The following TMED8 variants were observed in gnomAD, a reference collection of about 807,000 sequenced individuals.
The protein encoded by TMED8 is transmembrane p24 trafficking protein family member 8.
TMED8 carries 15 observed loss-of-function variants against 32.7 expected under a neutral mutation model. That is an observed-to-expected ratio of 0.46 (90% CI 0.31 to 0.71). The LOEUF is 0.71. TMED8 is among the 30% of genes least tolerant of loss of function. The pLI is 0.06. For missense variants in TMED8, 390 were observed against 423.9 expected, an observed-to-expected ratio of 0.92 and a Z score of 0.70; for synonymous variants, 147 against 161.4, an observed-to-expected ratio of 0.91 and a Z score of 0.68.
chr14:77,357,638 T>C (rs971832493), intron 1 of TMED8, among the ~76,000 whole-genome samples: 3 of 152,226 alleles, frequency 2.0e-5, no homozygotes, highest in Non-Finnish European at 4.4e-5. Flanking sequence ...AATTTTAGCA[T>C]ATTTTATGTG....
chr14:77,347,444 G>A (rs1344875607), intron 2 of TMED8, among the ~76,000 whole-genome samples: 1 of 152,186 alleles, frequency 6.6e-6, no homozygotes, highest in African/African-American at 2.4e-5. Context: ...ACACAGCTAT[G>A]TGAATAGTTG....
chr14:77,335,277 C>A lies in TMED8; in HGVS notation c.*6494G>T, dbSNP rs1407880112. The A allele has an allele frequency of 6.6e-6, 1 of 152,126 alleles. No individual in the cohort carries two copies. Among genetic ancestry groups the A allele is most frequent in the East Asian group, 1.9e-4 (1 of 5,198 alleles). 9.4% of individuals were successfully genotyped at this position (152,126 alleles called of 1,614,324 possible). On this transcript the variant is annotated 3_prime_UTR_variant, in exon 6 of 6. Coordinates refer to ENST00000216468, the MANE Select transcript of TMED8 (RefSeq NM_213601.3). ...ATTAAAGTAACAATTTGGTAAGACT[C>A]TTAGAAATCACAGATGTTGATAGCA...
chr14:77,351,541 G>A (rs1366457678), intron 2 of TMED8, 132 bp downstream of exon 2: 24 of 753,398 alleles, frequency 3.2e-5, no homozygotes, highest in Admixed American at 1.3e-4. Context: ...GATTACAGGC[G>A]TGAGCCACTG....
intron 1 of TMED8, among the ~76,000 whole-genome samples, chr14:77,371,513 A>C (rs1249380689): frequency 6.6e-6 from 1 of 152,210 alleles, no homozygotes; most frequent in African/African-American, 2.4e-5. Context: ...TTTAACTTTA[A>C]AGGAATGCCC....
chr14:77,338,049 G>A lies in TMED8; in HGVS notation c.*3722C>T, dbSNP rs186129821. On this transcript the variant is annotated 3_prime_UTR_variant, in exon 6 of 6. Transcript: ENST00000216468. ...GACAGGGTGCCTCATATTATGGTCAGATTACAGGGTGCCTCATATTACCCT... is the reference window on the plus strand; with the variant it reads ...GACAGGGTGCCTCATATTATGGTCAAATTACAGGGTGCCTCATATTACCCT... 6.6e-6 allele frequency: 1 copy of A among 152,192 alleles called. No individual in the cohort carries two copies. The highest frequency in any genetic ancestry group is 6.5e-5 in the Admixed American group (1 of 15,276). The allele number at this position is 152,192 out of a possible 1,614,324, so 9.4% of individuals were successfully genotyped here.
intron 3 of TMED8, among the ~76,000 whole-genome samples, chr14:77,345,522 C>A (rs1181235063): frequency 1.3e-5 from 2 of 151,906 alleles, no homozygotes; most frequent in Admixed American, 1.3e-4. Context: ...GGCAGGGGCA[C>A]CACTACACCA....
chr14:77,359,080 T>A (rs1893368933), intron 1 of TMED8, among the ~76,000 whole-genome samples: 1 of 152,148 alleles, frequency 6.6e-6, no homozygotes, highest in Non-Finnish European at 1.5e-5. Context: ...GCTAATTTTT[T>A]AAATTTTCTG....
Position 77,335,681 on chromosome 14 carries a change from CA to C in TMED8, c.*6089del, listed in dbSNP as rs1271763025. ...TTCTTATAATCCATCACTTTGATTACAAAACAGCTCTCTTCTGGGAATTTCA... is the reference window on the plus strand; with the variant it reads ...TTCTTATAATCCATCACTTTGATTACAAACAGCTCTCTTCTGGGAATTTCA... On this transcript the variant is annotated 3_prime_UTR_variant, in exon 6 of 6. Transcript: ENST00000216468. 1 of 152,174 alleles carries C rather than the reference CA, an allele frequency of 6.6e-6. No individual in the cohort carries two copies. Among genetic ancestry groups the C allele is most frequent in the East Asian group, 1.9e-4 (1 of 5,196 alleles). 9.4% of individuals were successfully genotyped at this position (152,174 alleles called of 1,614,324 possible).
chr14:77,357,106 G>A (rs140794682), intron 1 of TMED8, among the ~76,000 whole-genome samples: 189 of 152,266 alleles, frequency 1.2e-3, no homozygotes, highest in African/African-American at 4.3e-3. Context: ...AATGGCTACT[G>A]TTGCCAGGGA....
chr14:77,372,991 C>T (rs12886056), intron 1 of TMED8, among the ~76,000 whole-genome samples: 16,037 of 77,286 alleles, frequency 0.21, 1,879 homozygotes, highest in Middle Eastern at 0.4. Context: ...TTTGAGACAG[C>T]GTCTCCCTCT....
At position 77,365,608 on chromosome 14, in the gene TMED8, C is replaced by T. The variant is rs560490570; in HGVS notation, c.118+11328G>A. Among the ~76,000 whole-genome samples, 2 of 152,256 alleles carry T rather than the reference C, an allele frequency of 1.3e-5. 1 individual carries two copies. Among genetic ancestry groups the T allele is most frequent in the South Asian group, 4.1e-4 (2 of 4,820 alleles). ...TCAGTGTGGCTGGAGGCCACTGCAC[C>T]AATGCAGAGAGATGAGCTGAGAGCC... On this transcript the variant is annotated intron_variant, in intron 1 of 5. Transcript: ENST00000216468.
At chr14:77,358,362 C>T (rs183904449) in intron 1 of TMED8, among the ~76,000 whole-genome samples, 39 of 151,370 alleles carry the variant, frequency 2.6e-4, no homozygotes, top group African/African-American at 9.2e-4. Context: ...AGTGCAGTGG[C>T]GCAATCTCTG....
At position 77,376,026 on chromosome 14, in the gene TMED8, C is replaced by T. The variant is rs186973609; in HGVS notation, c.118+910G>A. 1.3e-5 allele frequency among the ~76,000 whole-genome samples: 2 copies of T among 152,318 alleles called. No homozygotes were observed. Among genetic ancestry groups the T allele is most frequent in the Admixed American group, 1.3e-4 (2 of 15,300 alleles). On this transcript the variant is annotated intron_variant, in intron 1 of 5. Coordinates refer to ENST00000216468, the MANE Select transcript of TMED8 (RefSeq NM_213601.3). This position sits in a 1 kb window ranked among gnomAD's most constrained non-coding sequence, Gnocchi z 4.0. ...TTATGGTGTCTATTTTAATTTCAGA[C>T]CTAGAAAATTAATTTATATTTGCTA...
At chr14:77,370,064 C>T (rs1280309175) in intron 1 of TMED8, among the ~76,000 whole-genome samples, 2 of 151,508 alleles carry the variant, frequency 1.3e-5, no homozygotes, top group East Asian at 2.0e-4. Flanking sequence ...CCCAGCTACT[C>T]GGGAGGCTGA....
chr14:77,344,592 A>G (rs1892984173), intron 3 of TMED8, among the ~76,000 whole-genome samples: 1 of 152,220 alleles, frequency 6.6e-6, no homozygotes, highest in South Asian at 2.1e-4. Flanking sequence ...AATCACTCAG[A>G]TTAGTGTTCC....
At chr14:77,362,853 C>T (rs757452916) in intron 1 of TMED8, among the ~76,000 whole-genome samples, 6 of 152,048 alleles carry the variant, frequency 3.9e-5, no homozygotes, top group African/African-American at 1.2e-4. Context: ...AAAATAAAGT[C>T]TAAAAACTGT....
At chr14:77,372,949 TA>T (rs1418865434) in intron 1 of TMED8, among the ~76,000 whole-genome samples, 21 of 24,942 alleles carry the variant, frequency 8.4e-4, no homozygotes, top group African/African-American at 1.1e-3. Context: ...TATATATATA[TA>T]TATTTTTTTT....
intron 1 of TMED8, among the ~76,000 whole-genome samples, chr14:77,367,091 A>G (rs1184058542): frequency 6.6e-6 from 1 of 151,796 alleles, no homozygotes; most frequent in Non-Finnish European, 1.5e-5. Flanking sequence ...CTAAAAATAC[A>G]AAATTAGCCA....
In TMED8 at chr14:77,348,909, T is replaced by C. The variant is rs1399305189; in HGVS notation, c.198-2431A>G. Among the ~76,000 whole-genome samples the C allele has an allele frequency of 2.0e-5, 3 of 152,156 alleles. No individual in the cohort carries two copies. The East Asian group carries it at 5.8e-4, about 29-fold the overall frequency. On this transcript the variant is annotated intron_variant, in intron 2 of 5. Coordinates refer to ENST00000216468, the MANE Select transcript of TMED8 (RefSeq NM_213601.3). ...ATAGGTTCACTTGGGTAATTCAGTG[T>C]AAGCTGTAAACTGGCCTAGGCTGTG...
Sources: allele counts gnomAD v4.1 joint callset (sites outside exome capture counted in the v4.1 genomes callset), GRCh38; gene constraint gnomAD v4.1.1; non-coding constraint Gnocchi (gnomAD v3.1); transcripts MANE v1.5; gene names NCBI Gene and HGNC (gene_info 2026-07-23, HGNC 2026-07-21).